Variants in CUX2 observed in about 807,000 individuals in gnomAD.
CUX2 encodes the protein homeobox protein cut-like 2.
Under a neutral mutation model 144.8 loss-of-function variants are expected in CUX2, and 40 were observed. The observed-to-expected ratio is 0.28, with a 90% CI of 0.21 to 0.36. The LOEUF (loss-of-function observed/expected upper bound fraction) is 0.36, where lower values mean the gene tolerates loss of function less well. Ranked by LOEUF, CUX2 falls within the 10% of genes least tolerant of loss-of-function variation. The pLI, the probability that CUX2 is intolerant of heterozygous loss-of-function variation, is 1.00. For synonymous variants in CUX2, 827 were observed against 875.6 expected, an observed-to-expected ratio of 0.94 and a Z score of 0.98; for missense variants, 1,615 against 1,994.0, an observed-to-expected ratio of 0.81 and a Z score of 3.62.
At chr12:111,260,176 T>A (rs941053402) in intron 3 of CUX2, among the ~76,000 whole-genome samples, 5 of 150,860 alleles carry the variant, frequency 3.3e-5, no homozygotes, top group African/African-American at 7.3e-5. Context: ...AATTTTTTTT[T>A]AATTATTGCC....
chr12:111,334,326 A>G, intron 18 of CUX2, 115 bp from the exon 19 acceptor site: 1 of 1,116,980 alleles, frequency 9.0e-7, no homozygotes, highest in South Asian at 1.6e-5. Flanking sequence ...TTATTACTAC[A>G]GTGGTTGCAA....
intron 1 of CUX2, chr12:111,100,010 G>T (rs750986892): frequency 2.2e-6 from 1 of 457,106 alleles, no homozygotes; most frequent in African/African-American, 2.0e-5. Context: ...TTGCACATTC[G>T]CTTTTTATTT....
chr12:111,266,506 G>A (rs933754667), intron 4 of CUX2, among the ~76,000 whole-genome samples: 9 of 151,230 alleles, frequency 6.0e-5, no homozygotes, highest in Middle Eastern at 6.9e-3. Flanking sequence ...AGGGTACAGA[G>A]ATAGCCACTG....
intron 3 of CUX2, among the ~76,000 whole-genome samples, chr12:111,262,738 G>T (rs1245416333): frequency 6.6e-6 from 1 of 151,992 alleles, no homozygotes; most frequent in Non-Finnish European, 1.5e-5. Context: ...TTTTAAAGAG[G>T]GTAATTCTGT....
At chr12:111,046,012 G>A (rs760197578) in intron 1 of CUX2, among the ~76,000 whole-genome samples, 2 of 152,148 alleles carry the variant, frequency 1.3e-5, no homozygotes, top group South Asian at 2.1e-4. Context: ...CTAGAGATTC[G>A]TTTGCAGTAT....
intron 1 of CUX2, among the ~76,000 whole-genome samples, chr12:111,180,164 A>G (rs767298884): frequency 6.7e-6 from 1 of 149,768 alleles, no homozygotes; most frequent in African/African-American, 2.5e-5. Context: ...TTGGACAACA[A>G]GCTCATCAGA....
Position 111,347,872 on chromosome 12 carries a change from G to A in CUX2, c.4008G>A (p.Pro1336=), listed in dbSNP as rs755952339. 28 of 1,613,994 alleles carry A rather than the reference G, an allele frequency of 1.7e-5. No homozygotes were observed. The highest frequency in any genetic ancestry group is 5.0e-5 in the Admixed American group (3 of 60,004). The part of the protein sequence containing the change: ...GPPKEEHPDP[P]GNDGLPKVAP... ...CCAAAGAGGAGCATCCCGACCCTCC[G>A]GGTAATGATGGACTCCCAAAAGTGG... Residue 1336 remains proline (P), a synonymous_variant, in exon 22 of 22, where the codon CCG becomes CCA. Coordinates refer to ENST00000261726, the MANE Select transcript of CUX2 (RefSeq NM_015267.4).
chr12:111,136,324 T>A (rs1254143830), intron 1 of CUX2, among the ~76,000 whole-genome samples: 1 of 151,892 alleles, frequency 6.6e-6, no homozygotes, highest in African/African-American at 2.4e-5. Flanking sequence ...TGGCCTGAAC[T>A]ATGGGAGGAT....
At chr12:111,135,966 A>C (rs983446204) in intron 1 of CUX2, among the ~76,000 whole-genome samples, 1 of 151,974 alleles carries the variant, frequency 6.6e-6, no homozygotes, top group Admixed American at 6.5e-5. Context: ...ATTAATATGC[A>C]CTCCTACAAT....
intron 3 of CUX2, among the ~76,000 whole-genome samples, chr12:111,248,214 T>G (rs572648261): frequency 6.6e-6 from 1 of 152,292 alleles, no homozygotes; most frequent in South Asian, 2.1e-4. Flanking sequence ...AGCATATCTT[T>G]TAACTGCTGG....
At chr12:111,094,340 G>A (rs189332130) in intron 1 of CUX2, among the ~76,000 whole-genome samples, 12 of 152,294 alleles carry the variant, frequency 7.9e-5, no homozygotes, top group African/African-American at 2.2e-4. Context: ...AGAAGTGGAC[G>A]GGGACCGGGA....
intron 1 of CUX2, among the ~76,000 whole-genome samples, chr12:111,154,178 G>A (rs998935607): frequency 6.6e-6 from 1 of 151,958 alleles, no homozygotes; most frequent in Non-Finnish European, 1.5e-5. Context: ...AAGCCAGCCT[G>A]TGTGATTGCA....
chr12:111,253,821 CTT>C (rs35792441), intron 3 of CUX2, among the ~76,000 whole-genome samples: 43,195 of 140,946 alleles, frequency 0.31, 7,583 homozygotes, highest in African/African-American at 0.52. Context: ...TAGAAACAGC[CTT>C]TTTTTTTTTT....
intron 1 of CUX2, among the ~76,000 whole-genome samples, chr12:111,141,241 C>CAT (rs1448197035): frequency 2.0e-5 from 3 of 152,112 alleles, no homozygotes; most frequent in African/African-American, 7.2e-5. Flanking sequence ...CACACACACA[C>CAT]ACACACACAC....
intron 3 of CUX2, among the ~76,000 whole-genome samples, chr12:111,242,860 C>A (rs1014043956): frequency 3.3e-5 from 5 of 152,120 alleles, no homozygotes; most frequent in Non-Finnish European, 7.3e-5. Context: ...CCTAGTCCCC[C>A]ACCCCATGAC....
chr12:111,103,769 T>A (rs1220140260), intron 1 of CUX2, among the ~76,000 whole-genome samples: 1 of 152,224 alleles, frequency 6.6e-6, no homozygotes, highest in African/African-American at 2.4e-5. Flanking sequence ...CGGTCAGGTG[T>A]CTGCCTTCAG....
chr12:111,339,245 GAAAC>G (rs1360591344), intron 20 of CUX2, among the ~76,000 whole-genome samples: 1 of 151,590 alleles, frequency 6.6e-6, no homozygotes, highest in East Asian at 1.9e-4. Flanking sequence ...AAAAAAGAAA[GAAAC>G]AAAAGGAAAC....
At chr12:111,036,348 G>A (rs1869441565) in intron 1 of CUX2, among the ~76,000 whole-genome samples, 1 of 152,212 alleles carries the variant, frequency 6.6e-6, no homozygotes, top group Non-Finnish European at 1.5e-5. Flanking sequence ...GCTGAGGGGA[G>A]GGTGCGGCTC....
chr12:111,325,222 A>T (rs1180822865), intron 18 of CUX2, among the ~76,000 whole-genome samples: 1 of 151,204 alleles, frequency 6.6e-6, no homozygotes, highest in Non-Finnish European at 1.5e-5. Flanking sequence ...TGAATCCGGG[A>T]GGCGGAGCTT....
Sources: allele counts gnomAD v4.1 joint callset (sites outside exome capture counted in the v4.1 genomes callset), GRCh38; gene constraint gnomAD v4.1.1; transcripts MANE v1.5; gene names NCBI Gene and HGNC (gene_info 2026-07-23, HGNC 2026-07-21).